Variants in TMEM232 observed in about 807,000 individuals in gnomAD.
The protein encoded by TMEM232 is transmembrane protein 232.
Under a neutral mutation model 78.8 loss-of-function variants are expected in TMEM232, and 80 were observed. The ratio of observed to expected loss-of-function variants is 1.01; its 90% CI spans 0.85 to 1.22. The LOEUF (loss-of-function observed/expected upper bound fraction) is 1.22. TMEM232 is among the 50% of genes most tolerant of loss of function. The pLI is 0.00. For missense variants in TMEM232, 881 were observed against 742.2 expected (o/e 1.19, Z -2.17); for synonymous variants, 297 against 254.3 (o/e 1.17, Z -1.60).
intron 2 of TMEM232, among the ~76,000 whole-genome samples, chr5:110,663,128 T>G (rs115348111): frequency 0.012 from 1,781 of 152,124 alleles, 44 homozygotes; most frequent in African/African-American, 0.04. Context: ...TGAAAATAAT[T>G]GAAATGTCCA....
chr5:110,441,999 G>A (rs553416544), intron 12 of TMEM232, among the ~76,000 whole-genome samples: 3 of 1,590 alleles, frequency 1.9e-3, no homozygotes, highest in Non-Finnish European at 0.022. Context: ...CAGAGGTATT[G>A]GAGCTCCATG....
intron 10 of TMEM232, among the ~76,000 whole-genome samples, chr5:110,594,950 G>T (rs1484414988): frequency 6.6e-6 from 1 of 152,192 alleles, no homozygotes; most frequent in Non-Finnish European, 1.5e-5. Flanking sequence ...CCTCAAATGG[G>T]TCGGTGACCC....
chr5:110,535,044 C>G (rs1327958870), intron 11 of TMEM232, among the ~76,000 whole-genome samples: 3 of 152,044 alleles, frequency 2.0e-5, no homozygotes, highest in Non-Finnish European at 4.4e-5. Context: ...CTCCATACCA[C>G]CCCCCAAAAA....
intron 12 of TMEM232, among the ~76,000 whole-genome samples, chr5:110,446,689 T>A (rs1249742462): frequency 6.6e-6 from 1 of 152,198 alleles, no homozygotes; most frequent in Non-Finnish European, 1.5e-5. Context: ...CATAAGTTCT[T>A]AACTGTGAAG....
At chr5:110,481,802 A>G (rs1201459876) in intron 12 of TMEM232, among the ~76,000 whole-genome samples, 1 of 152,154 alleles carries the variant, frequency 6.6e-6, no homozygotes, top group Non-Finnish European at 1.5e-5. Context: ...TCTATCCACC[A>G]AATACTGCTA....
At chr5:110,485,662 G>C (rs1423854736) in intron 12 of TMEM232, among the ~76,000 whole-genome samples, 1 of 152,052 alleles carries the variant, frequency 6.6e-6, no homozygotes, top group African/African-American at 2.4e-5. Context: ...TAGTTGAGTA[G>C]TATTCCATCG....
chr5:110,728,273 T>C (rs1003535283), upstream of TMEM232, among the ~76,000 whole-genome samples: 3 of 151,806 alleles, frequency 2.0e-5, no homozygotes, highest in African/African-American at 7.2e-5. Context: ...ACTGATTTTA[T>C]ATATGTATCT....
intron 11 of TMEM232, among the ~76,000 whole-genome samples, chr5:110,530,113 A>AG (rs910336595): frequency 7.9e-5 from 12 of 152,230 alleles, no homozygotes; most frequent in African/African-American, 2.7e-4. Flanking sequence ...TTCCAAAATT[A>AG]GGCCTGGCTA....
chr5:110,630,780 G>T (rs781249386), intron 5 of TMEM232, among the ~76,000 whole-genome samples: 1 of 151,996 alleles, frequency 6.6e-6, no homozygotes, highest in Non-Finnish European at 1.5e-5. Context: ...AAGCAAAATC[G>T]GCTGGGAACA....
intron 12 of TMEM232, among the ~76,000 whole-genome samples, chr5:110,487,778 C>T (rs892604993): frequency 1.8e-4 from 27 of 151,796 alleles, no homozygotes; most frequent in African/African-American, 6.5e-4. Flanking sequence ...TTGGTTATTT[C>T]CTTTCCTGGT....
At chr5:110,667,994 T>C (rs1790828172) in intron 1 of TMEM232, among the ~76,000 whole-genome samples, 1 of 152,100 alleles carries the variant, frequency 6.6e-6, no homozygotes, top group South Asian at 2.1e-4. Flanking sequence ...TATTTGTGTT[T>C]AGTGGAGATT....
At chr5:110,624,046 T>C (rs1056932984) in intron 7 of TMEM232, among the ~76,000 whole-genome samples, 6 of 152,132 alleles carry the variant, frequency 3.9e-5, no homozygotes, top group African/African-American at 1.4e-4. Flanking sequence ...AATGGATTCA[T>C]TCTTAAAGAG....
chr5:110,431,859 T>C (rs1757892574), intron 12 of TMEM232, among the ~76,000 whole-genome samples: 1 of 151,506 alleles, frequency 6.6e-6, no homozygotes, highest in Non-Finnish European at 1.5e-5. Context: ...ACAGGCAGAA[T>C]ATATAGAAAA....
intron 1 of TMEM232, among the ~76,000 whole-genome samples, chr5:110,691,797 C>G (rs1401451772): frequency 1.3e-5 from 2 of 152,260 alleles, no homozygotes; most frequent in Admixed American, 1.3e-4. Context: ...AAATGAGCAT[C>G]ACTCAAAATT....
At chr5:110,645,960 A>C (rs1334123647) in intron 2 of TMEM232, among the ~76,000 whole-genome samples, 1 of 151,746 alleles carries the variant, frequency 6.6e-6, no homozygotes, top group Non-Finnish European at 1.5e-5. Context: ...AATCCTATTT[A>C]TAATAGCAAC....
chr5:110,570,315 T>TA (rs1431964219), intron 10 of TMEM232, among the ~76,000 whole-genome samples: 2 of 151,972 alleles, frequency 1.3e-5, no homozygotes, highest in Non-Finnish European at 2.9e-5. Context: ...TGGACTATAA[T>TA]AAAAAAGCCC....
Position 110,540,480 on chromosome 5 carries a change from C to T in TMEM232, c.1456-11645G>A, listed in dbSNP as rs547272068. 2.6e-5 allele frequency among the ~76,000 whole-genome samples: 4 copies of T among 152,290 alleles called. No homozygotes were observed. The East Asian group carries it at 7.7e-4, about 29-fold the overall frequency. ...CTTGAAACCTGTAGCACCTTGAATC[C>T]AGCTCTGTTTCTGCCCACAGGCCCA... On this transcript the variant is annotated intron_variant, in intron 11 of 13. Transcript: ENST00000455884.
At chr5:110,481,009 T>C (rs1247524591) in intron 12 of TMEM232, among the ~76,000 whole-genome samples, 2 of 152,084 alleles carry the variant, frequency 1.3e-5, no homozygotes, top group East Asian at 1.9e-4. Flanking sequence ...GCTTGGTTAG[T>C]TGCTATTTGC....
At chr5:110,406,263 T>TACACAC (rs770672662) in intron 2 of TMEM232, among the ~76,000 whole-genome samples, 668 of 51,638 alleles carry the variant, frequency 0.013, 2 homozygotes, top group South Asian at 0.037. Context: ...CACAGATATA[T>TACACAC]ATACACACAC....
Sources: allele counts gnomAD v4.1 joint callset (sites outside exome capture counted in the v4.1 genomes callset), GRCh38; gene constraint gnomAD v4.1.1; transcripts MANE v1.5; gene names NCBI Gene and HGNC (gene_info 2026-07-23, HGNC 2026-07-21).